DCDC1: variants seen among roughly 807,000 people sequenced by gnomAD.
DCDC1 encodes the protein doublecortin domain containing 1.
DCDC1 carries 200 observed loss-of-function variants against 178.3 expected under a neutral mutation model. The observed-to-expected ratio is 1.12, with a 90% CI of 1.00 to 1.26. The LOEUF (loss-of-function observed/expected upper bound fraction) is 1.26. Among genes scored for constraint, DCDC1 ranks in the 50% most tolerant of loss-of-function variants. The probability of loss-of-function intolerance (pLI) is 0.00; values close to 1 mark genes in which losing one functional copy is unlikely to be tolerated. For synonymous variants in DCDC1, 690 were observed against 604.8 expected (o/e 1.14, Z -2.07); for missense variants, 1,983 against 1,749.2 (o/e 1.13, Z -2.38).
At chr11:30,910,704 G>A (rs1451444260) in intron 28 of DCDC1, among the ~76,000 whole-genome samples, 1 of 151,962 alleles carries the variant, frequency 6.6e-6, no homozygotes, top group Non-Finnish European at 1.5e-5. Context: ...ATAAGCATGT[G>A]AGAATGACAG....
intron 20 of DCDC1, among the ~76,000 whole-genome samples, chr11:31,028,392 A>G (rs1210386351): frequency 6.6e-6 from 1 of 151,944 alleles, no homozygotes; most frequent in Non-Finnish European, 1.5e-5. Context: ...CATATTTGTC[A>G]GTATCATTTA....
intron 17 of DCDC1, among the ~76,000 whole-genome samples, chr11:31,085,503 TG>T (rs1411111111): frequency 2.0e-5 from 3 of 152,168 alleles, no homozygotes; most frequent in Non-Finnish European, 4.4e-5. Context: ...GTACTTTTTT[TG>T]TTTTATTTTC....
At chr11:31,308,865 A>C (rs1948607796) in intron 3 of DCDC1, among the ~76,000 whole-genome samples, 1 of 152,102 alleles carries the variant, frequency 6.6e-6, no homozygotes, top group Non-Finnish European at 1.5e-5. Context: ...ATCTTTGCAC[A>C]AACCAAATCT....
intron 20 of DCDC1, among the ~76,000 whole-genome samples, chr11:30,996,469 A>C (rs1951278869): frequency 8.7e-6 from 1 of 115,286 alleles, no homozygotes; most frequent in African/African-American, 2.7e-5. Context: ...TCCCCAGTGC[A>C]AGAGTATTGG....
rs527409217 is a variant in DCDC1, at chr11:31,306,218, G to A, written c.591+14C>T. ...AAAAAAATAAAGCACAGAAAACTTT[G>A]GAACACTAGTTACCAAGGTGATGGT... is the stretch of plus-strand genomic sequence containing the variant. On this transcript the variant is annotated intron_variant, in intron 5 of 38. Transcript: ENST00000684477. 1.4e-6 allele frequency: 2 copies of A among 1,479,276 alleles called. No homozygotes were observed. The highest frequency in any genetic ancestry group is 1.8e-6 in the Non-Finnish European group (2 of 1,113,572). 91.6% of individuals were successfully genotyped at this position (1,479,276 alleles called of 1,614,324 possible).
At chr11:31,187,447 CAAG>C (rs1172095735) in intron 9 of DCDC1, among the ~76,000 whole-genome samples, 1 of 151,972 alleles carries the variant, frequency 6.6e-6, no homozygotes, top group Non-Finnish European at 1.5e-5. Context: ...TTGGCAAGAA[CAAG>C]AAGTCACTAG....
At chr11:31,081,843 T>TA (rs1222652769) in intron 17 of DCDC1, among the ~76,000 whole-genome samples, 77 of 152,222 alleles carry the variant, frequency 5.1e-4, no homozygotes, top group Admixed American at 2.6e-3. Context: ...ACCGAAGTTG[T>TA]AAAAAAACAA....
intron 27 of DCDC1, among the ~76,000 whole-genome samples, chr11:30,914,812 T>C (rs1367922533): frequency 6.6e-6 from 1 of 152,186 alleles, no homozygotes; most frequent in Non-Finnish European, 1.5e-5. Flanking sequence ...TATCTGTAAA[T>C]ACTACAATGT....
At chr11:31,174,566 A>G (rs1028195756) in intron 9 of DCDC1, among the ~76,000 whole-genome samples, 27 of 152,124 alleles carry the variant, frequency 1.8e-4, no homozygotes, top group Admixed American at 1.8e-3. Context: ...CCACCTTCAG[A>G]CTCAGGGAAA....
chr11:31,054,778 G>C (rs1955478734), intron 20 of DCDC1, among the ~76,000 whole-genome samples: 1 of 152,204 alleles, frequency 6.6e-6, no homozygotes, highest in Non-Finnish European at 1.5e-5. Flanking sequence ...TAAGTGGCTA[G>C]CCACATGTAG....
At chr11:31,026,465 C>A (rs923048059) in intron 20 of DCDC1, among the ~76,000 whole-genome samples, 9 of 151,840 alleles carry the variant, frequency 5.9e-5, no homozygotes, top group African/African-American at 1.7e-4. Context: ...ATTTAATTTT[C>A]TTTTGTGCGT....
At chr11:31,115,740 T>C (rs1377065392) in intron 11 of DCDC1, among the ~76,000 whole-genome samples, 1 of 152,002 alleles carries the variant, frequency 6.6e-6, no homozygotes, top group African/African-American at 2.4e-5. Flanking sequence ...TGAGGACCAA[T>C]GTTGGTGAGG....
At chr11:31,177,021 G>C (rs1194429280) in intron 9 of DCDC1, among the ~76,000 whole-genome samples, 1 of 152,040 alleles carries the variant, frequency 6.6e-6, no homozygotes, top group Non-Finnish European at 1.5e-5. Context: ...GTAATGCAAT[G>C]GTGCTATGTA....
rs531058643 is a variant in DCDC1, at chr11:30,986,395, T to C, written c.2592-33827A>G. Among the ~76,000 whole-genome samples the C allele has an allele frequency of 3.2e-4, 49 of 151,404 alleles. 1 individual carries two copies. Among genetic ancestry groups the C allele is most frequent in the African/African-American group, 1.1e-3 (46 of 41,218 alleles). On this transcript the variant is annotated intron_variant, in intron 20 of 38. Transcript: ENST00000684477. ...GTCGCCAGGCTGGAGTGCAGTGGCA[T>C]GACCCTGGCTCACTGTAAGCTCCGC...
At chr11:31,258,433 T>A (rs1309720320) in intron 8 of DCDC1, among the ~76,000 whole-genome samples, 4 of 151,916 alleles carry the variant, frequency 2.6e-5, no homozygotes, top group African/African-American at 2.4e-5. Context: ...AAGGAAAGTA[T>A]TAATAAAAGA....
intron 38 of DCDC1, among the ~76,000 whole-genome samples, chr11:30,871,620 T>G (rs1031376318): frequency 6.6e-6 from 1 of 152,150 alleles, no homozygotes; most frequent in Non-Finnish European, 1.5e-5. Flanking sequence ...CAGCTTGATA[T>G]ATATATCAAG....
At chr11:31,328,525 T>G (rs375795648) in intron 2 of DCDC1, among the ~76,000 whole-genome samples, 17 of 152,140 alleles carry the variant, frequency 1.1e-4, no homozygotes, top group Admixed American at 2.0e-4. Flanking sequence ...TGGGCCGGGT[T>G]CAGTGGCTCA....
intron 9 of DCDC1, among the ~76,000 whole-genome samples, chr11:31,233,497 T>C (rs996153686): frequency 6.6e-6 from 1 of 152,146 alleles, no homozygotes; most frequent in African/African-American, 2.4e-5. Context: ...CTAATTACTT[T>C]TTGGGGGTGG....
chr11:31,339,978 C>T (rs907409737), intron 1 of DCDC1, among the ~76,000 whole-genome samples: 5 of 151,998 alleles, frequency 3.3e-5, no homozygotes, highest in African/African-American at 9.7e-5. Flanking sequence ...CAAAGATTTA[C>T]TCTTTGATGC....
Sources: allele counts gnomAD v4.1 joint callset (sites outside exome capture counted in the v4.1 genomes callset), GRCh38; gene constraint gnomAD v4.1.1; transcripts MANE v1.5; gene names NCBI Gene and HGNC (gene_info 2026-07-23, HGNC 2026-07-21).